The following MKLN1 variants were observed in gnomAD, a reference collection of about 807,000 sequenced individuals.
MKLN1 encodes muskelin.
MKLN1 carries 18 observed loss-of-function variants against 99.0 expected under a neutral mutation model. The observed-to-expected ratio is 0.18, with a 90% confidence interval of 0.13 to 0.27. The LOEUF is 0.27. MKLN1 is among the 10% of genes least tolerant of loss of function. MKLN1 has a pLI of 1.00. For synonymous variants in MKLN1, 288 were observed against 293.2 expected, an observed-to-expected ratio of 0.98 and a Z score of 0.18; for missense variants, 621 against 875.9, an observed-to-expected ratio of 0.71 and a Z score of 3.67.
At chr7:131,361,202 C>G (rs1239930055) in intron 1 of MKLN1, among the ~76,000 whole-genome samples, 1 of 151,984 alleles carries the variant, frequency 6.6e-6, no homozygotes, top group African/African-American at 2.4e-5. Context: ...TTGGAAAATT[C>G]CAGCCATTAT....
chr7:131,131,108 G>A (rs1204325048), intron 1 of MKLN1, among the ~76,000 whole-genome samples: 1 of 148,960 alleles, frequency 6.7e-6, no homozygotes, highest in African/African-American at 2.5e-5. Context: ...GTAATCTCAG[G>A]ACTTTGGGAA....
intron 3 of MKLN1, among the ~76,000 whole-genome samples, chr7:131,388,362 T>C (rs1794093276): frequency 6.6e-6 from 1 of 152,182 alleles, no homozygotes. Flanking sequence ...AGAGGTGATA[T>C]CCATTTATTT....
At chr7:131,300,323 C>T (rs1167624256) in intron 3 of MKLN1, among the ~76,000 whole-genome samples, 1 of 151,546 alleles carries the variant, frequency 6.6e-6, no homozygotes, top group Non-Finnish European at 1.5e-5. Flanking sequence ...AGAAAAATGG[C>T]TGGAGAGTGG....
rs1024811107 is a variant in MKLN1, at chr7:131,411,954, G to A, written c.781+571G>A. Among the ~76,000 whole-genome samples the A allele has an allele frequency of 1.1e-3, 141 of 133,490 alleles. 1 individual carries two copies. Among genetic ancestry groups the A allele is most frequent in the African/African-American group, 3.5e-3 (131 of 37,394 alleles). The allele number at this position is 133,490 out of a possible 152,430, so 87.6% of individuals were successfully genotyped here. A position where few individuals can be genotyped will look rare whatever the true frequency, so the allele number is the denominator to read the frequency against. ...AAAAAAAAATTAGCCAGACATGTTG[G>A]CAGGCATCTGTGGTCCCAGCTGCTT... On this transcript the variant is annotated intron_variant, in intron 7 of 17. Transcript: ENST00000352689.
chr7:131,478,537 G>C, intron 16 of MKLN1, 86 bp from the exon 17 acceptor site: 6 of 1,350,918 alleles, frequency 4.4e-6, no homozygotes, highest in Non-Finnish European at 5.8e-6. Context: ...CTGATAAATG[G>C]TCAAAGTTAT....
chr7:131,134,995 C>T (rs9690297), intron 1 of MKLN1, among the ~76,000 whole-genome samples: 21,023 of 152,154 alleles, frequency 0.14, 1,473 homozygotes, highest in Non-Finnish European at 0.14. Context: ...TTTCTTGGAA[C>T]AGTTTTCCCT....
At chr7:131,210,414 C>T (rs978644947) in intron 3 of MKLN1, among the ~76,000 whole-genome samples, 1 of 151,782 alleles carries the variant, frequency 6.6e-6, no homozygotes, top group African/African-American at 2.4e-5. Flanking sequence ...CACCTGTAGT[C>T]CCAGCTACTT....
chr7:131,333,722 G>T (rs569639665), intron 1 of MKLN1, among the ~76,000 whole-genome samples: 1 of 152,206 alleles, frequency 6.6e-6, no homozygotes, highest in East Asian at 1.9e-4. Flanking sequence ...ATTTTTAGTA[G>T]AGACGGGGTT....
At chr7:131,320,738 AAAAC>A (rs1798759692) in intron 3 of MKLN1, among the ~76,000 whole-genome samples, 2 of 152,320 alleles carry the variant, frequency 1.3e-5, no homozygotes, top group African/African-American at 2.4e-5. Context: ...TTCAAGAAAA[AAAAC>A]AAACAACCCC....
At chr7:131,121,834 A>T (rs115829920) in intron 1 of MKLN1, among the ~76,000 whole-genome samples, 152 of 152,212 alleles carry the variant, frequency 1.0e-3, no homozygotes, top group African/African-American at 3.4e-3. Context: ...ATTTGAAAGA[A>T]GATTGCCTAG....
intron 3 of MKLN1, among the ~76,000 whole-genome samples, chr7:131,232,555 C>G (rs1003045769): frequency 6.6e-6 from 1 of 152,112 alleles, no homozygotes; most frequent in East Asian, 1.9e-4. Flanking sequence ...CCATCACCTT[C>G]CTAGAATTAT....
chr7:131,251,613 T>G (rs1327239346), intron 3 of MKLN1, among the ~76,000 whole-genome samples: 1 of 152,106 alleles, frequency 6.6e-6, no homozygotes, highest in Non-Finnish European at 1.5e-5. Context: ...AGGCAAACTT[T>G]GCTCCAAAGT....
chr7:131,275,546 TATATATATATATATATA>T (rs1211014423), intron 3 of MKLN1, among the ~76,000 whole-genome samples: 1 of 19,698 alleles, frequency 5.1e-5, no homozygotes, highest in African/African-American at 1.9e-4. Flanking sequence ...TATATATATA[TATATATATATATATATA>T]TATATTTTTT....
At chr7:131,157,171 G>A (rs890848175) in intron 2 of MKLN1, among the ~76,000 whole-genome samples, 1 of 152,188 alleles carries the variant, frequency 6.6e-6, no homozygotes, top group Non-Finnish European at 1.5e-5. Context: ...CTTGAAGCCA[G>A]GAGTTCAAAA....
chr7:131,424,282 G>T (rs111585034), intron 8 of MKLN1, among the ~76,000 whole-genome samples: 6 of 152,012 alleles, frequency 3.9e-5, no homozygotes, highest in African/African-American at 1.4e-4. Context: ...TCACCAGCCT[G>T]TTAACCCTTC....
chr7:131,410,981 T>G (rs911334477), intron 6 of MKLN1, among the ~76,000 whole-genome samples: 5 of 152,222 alleles, frequency 3.3e-5, no homozygotes, highest in Admixed American at 6.5e-5. Context: ...TCTAACCCTC[T>G]GATAATGTCA....
chr7:131,393,244 A>T (rs1281519312), intron 4 of MKLN1, among the ~76,000 whole-genome samples: 2 of 152,090 alleles, frequency 1.3e-5, no homozygotes, highest in Non-Finnish European at 2.9e-5. Context: ...CTTTTATTTG[A>T]TGAGGGAGGC....
intron 3 of MKLN1, among the ~76,000 whole-genome samples, chr7:131,271,346 C>T (rs73153440): frequency 0.098 from 14,906 of 152,098 alleles, 995 homozygotes; most frequent in South Asian, 0.32. Context: ...AGGCCTGGCA[C>T]GGTGGCTCAT....
At chr7:131,193,331 A>T (rs1796594303) in intron 2 of MKLN1, among the ~76,000 whole-genome samples, 1 of 152,178 alleles carries the variant, frequency 6.6e-6, no homozygotes, top group Non-Finnish European at 1.5e-5. Flanking sequence ...AATGGAATTT[A>T]CTAAATCCAT....
Sources: gnomAD v4.1 joint callset for allele counts (sites outside exome capture counted in the v4.1 genomes callset) on GRCh38, gnomAD v4.1.1 for gene constraint, MANE v1.5 for transcripts, NCBI Gene and HGNC (gene_info 2026-07-23, HGNC 2026-07-21) for gene names.